PTPRD: variants seen among roughly 807,000 people sequenced by gnomAD.
PTPRD encodes the protein protein tyrosine phosphatase receptor type D, also known as receptor-type tyrosine-protein phosphatase delta.
In PTPRD, 34 loss-of-function variants were observed where a neutral mutation model predicts 214.5. That is an observed-to-expected ratio of 0.16 (90% CI 0.12 to 0.21). PTPRD has a LOEUF of 0.21. Ranked by LOEUF, PTPRD falls within the 10% of genes least tolerant of loss-of-function variation. The pLI is 1.00. For missense variants in PTPRD, 2,545 were observed against 2,398.7 expected (o/e 1.06, Z -1.27); for synonymous variants, 1,128 against 845.7 (o/e 1.33, Z -5.79).
At chr9:9,786,911 G>A (rs762000444) in intron 5 of PTPRD, among the ~76,000 whole-genome samples, 3 of 152,032 alleles carry the variant, frequency 2.0e-5, no homozygotes, top group Non-Finnish European at 2.9e-5. Flanking sequence ...TTGGGAGGCC[G>A]AGGCAGGTGG....
chr9:10,015,609 G>A (rs2096691046), intron 4 of PTPRD, among the ~76,000 whole-genome samples: 1 of 152,136 alleles, frequency 6.6e-6, no homozygotes, highest in Non-Finnish European at 1.5e-5. Context: ...GGGGATCACT[G>A]TGAGATTTAA....
chr9:9,334,656 C>G (rs2043711263), intron 9 of PTPRD, among the ~76,000 whole-genome samples: 1 of 151,860 alleles, frequency 6.6e-6, no homozygotes, highest in African/African-American at 2.4e-5. Flanking sequence ...ATCATGTTAC[C>G]TTTTTCATTG....
chr9:9,302,883 T>G (rs1955930217), intron 9 of PTPRD, among the ~76,000 whole-genome samples: 1 of 151,932 alleles, frequency 6.6e-6, no homozygotes, highest in African/African-American at 2.4e-5. Context: ...GTAACTCTTC[T>G]GCAAATCTCT....
At chr9:9,920,346 G>C (rs2082213265) in intron 5 of PTPRD, among the ~76,000 whole-genome samples, 1 of 152,078 alleles carries the variant, frequency 6.6e-6, no homozygotes, top group Non-Finnish European at 1.5e-5. Context: ...CTGCTAAAAG[G>C]TAATTGATCC....
chr9:10,487,442 T>C (rs1483228063), intron 2 of PTPRD, among the ~76,000 whole-genome samples: 1 of 152,232 alleles, frequency 6.6e-6, no homozygotes, highest in Non-Finnish European at 1.5e-5. Flanking sequence ...AGTTTTGTTC[T>C]TTTCATTTTT....
At chr9:9,622,218 A>G (rs2095267301) in intron 7 of PTPRD, among the ~76,000 whole-genome samples, 1 of 152,206 alleles carries the variant, frequency 6.6e-6, no homozygotes, top group South Asian at 2.1e-4. Context: ...CCTGTTTAAC[A>G]CTCATTAAAC....
At chr9:9,970,072 C>A (rs1454089561) in intron 4 of PTPRD, among the ~76,000 whole-genome samples, 1 of 151,978 alleles carries the variant, frequency 6.6e-6, no homozygotes, top group Non-Finnish European at 1.5e-5. Context: ...GAAAAGGAGA[C>A]CGTTTGTATT....
At chr9:9,929,092 C>A (rs907645495) in intron 5 of PTPRD, among the ~76,000 whole-genome samples, 3 of 152,160 alleles carry the variant, frequency 2.0e-5, no homozygotes, top group Admixed American at 6.5e-5. Flanking sequence ...GATACCATAT[C>A]TGTCCGCTAT....
chr9:9,132,747 C>T (rs2099844692), intron 10 of PTPRD, among the ~76,000 whole-genome samples: 1 of 152,076 alleles, frequency 6.6e-6, no homozygotes, highest in East Asian at 1.9e-4. Context: ...TTGCAGATTC[C>T]AAATCTTCTT....
At chr9:10,004,584 T>A (rs2096424759) in intron 4 of PTPRD, among the ~76,000 whole-genome samples, 1 of 151,772 alleles carries the variant, frequency 6.6e-6, no homozygotes, top group South Asian at 2.1e-4. Context: ...ATTAAATAAT[T>A]TTAAGGTGCC....
intron 9 of PTPRD, among the ~76,000 whole-genome samples, chr9:9,335,457 G>A (rs1270890348): frequency 6.6e-6 from 1 of 152,050 alleles, no homozygotes; most frequent in Non-Finnish European, 1.5e-5. Flanking sequence ...AACGGGTAGT[G>A]TACAGTAGAC....
intron 3 of PTPRD, among the ~76,000 whole-genome samples, chr9:10,175,313 T>C (rs186401264): frequency 6.6e-6 from 1 of 152,192 alleles, no homozygotes; most frequent in Non-Finnish European, 1.5e-5. Flanking sequence ...TTAGAAGTCA[T>C]GTTAAGAAAA....
At chr9:9,895,072 T>C (rs973807172) in intron 5 of PTPRD, among the ~76,000 whole-genome samples, 21 of 152,006 alleles carry the variant, frequency 1.4e-4, no homozygotes, top group Admixed American at 1.3e-4. Context: ...CTAAATTTCT[T>C]CCAGATGAGG....
chr9:8,926,175 G>C (rs939588668), intron 11 of PTPRD, among the ~76,000 whole-genome samples: 1 of 151,892 alleles, frequency 6.6e-6, no homozygotes, highest in Non-Finnish European at 1.5e-5. Flanking sequence ...CCTCTGACTG[G>C]AATACCTTTT....
chr9:10,102,730 T>C (rs1259406762), intron 3 of PTPRD, among the ~76,000 whole-genome samples: 3 of 151,586 alleles, frequency 2.0e-5, no homozygotes, highest in Non-Finnish European at 4.4e-5. Flanking sequence ...ATGTCTTCAG[T>C]TTACCCAAGT....
intron 2 of PTPRD, among the ~76,000 whole-genome samples, chr9:10,395,663 C>T (rs2154493384): frequency 6.6e-6 from 1 of 152,002 alleles, no homozygotes. Context: ...CCATTCACCT[C>T]TCAGGGCCAA....
At chr9:8,996,511 G>T (rs1211665594) in intron 11 of PTPRD, among the ~76,000 whole-genome samples, 1 of 152,004 alleles carries the variant, frequency 6.6e-6, no homozygotes, top group African/African-American at 2.4e-5. Flanking sequence ...GGGATCTGTG[G>T]GGTGCCTTAC....
chr9:9,845,063 T>C (rs2059195980), intron 5 of PTPRD, among the ~76,000 whole-genome samples: 1 of 115,784 alleles, frequency 8.6e-6, no homozygotes, highest in Middle Eastern at 3.9e-3. Context: ...TAGAGCAATA[T>C]ATATATATAT....
At chr9:9,642,105 A>G (rs946934898) in intron 7 of PTPRD, among the ~76,000 whole-genome samples, 10 of 148,406 alleles carry the variant, frequency 6.7e-5, no homozygotes, top group Non-Finnish European at 1.2e-4. Flanking sequence ...ATGAGTTCAT[A>G]TCCTTTGTAG....
Sources: allele counts gnomAD v4.1 joint callset (sites outside exome capture counted in the v4.1 genomes callset), GRCh38; gene constraint gnomAD v4.1.1; transcripts MANE v1.5; gene names NCBI Gene and HGNC (gene_info 2026-07-23, HGNC 2026-07-21).